MGAT4C: variants seen among roughly 807,000 people sequenced by gnomAD.
MGAT4C encodes MGAT4 family member C.
Under a neutral mutation model 40.1 loss-of-function variants are expected in MGAT4C, and 19 were observed. That is an observed-to-expected ratio of 0.47 (90% CI 0.33 to 0.70). The LOEUF is 0.70. Ranked by LOEUF, MGAT4C falls within the 30% of genes least tolerant of loss-of-function variation. The probability of loss-of-function intolerance (pLI) is 0.02; values close to 1 mark genes in which losing one functional copy is unlikely to be tolerated. For missense variants in MGAT4C, 491 were observed against 563.2 expected (o/e 0.87, Z 1.30); for synonymous variants, 181 against 187.1 (o/e 0.97, Z 0.27).
intron 1 of MGAT4C, among the ~76,000 whole-genome samples, chr12:86,075,224 C>G (rs531603229): frequency 6.6e-6 from 1 of 152,152 alleles, no homozygotes; most frequent in Non-Finnish European, 1.5e-5. Context: ...AATTGGCCAA[C>G]GCCAAGGGGT....
At chr12:86,323,448 A>C (rs1194809221) in intron 4 of MGAT4C, among the ~76,000 whole-genome samples, 1 of 151,866 alleles carries the variant, frequency 6.6e-6, no homozygotes, top group East Asian at 1.9e-4. Flanking sequence ...TATGAAAAAA[A>C]CCACAATATT....
At chr12:86,100,498 C>T (rs1281914979) in intron 1 of MGAT4C, among the ~76,000 whole-genome samples, 1 of 151,270 alleles carries the variant, frequency 6.6e-6, no homozygotes, top group African/African-American at 2.4e-5. Context: ...CTTTTGCCTG[C>T]CCCCAATGCC....
intron 2 of MGAT4C, among the ~76,000 whole-genome samples, chr12:86,442,167 C>T (rs979588687): frequency 2.0e-5 from 3 of 152,140 alleles, no homozygotes; most frequent in Admixed American, 6.5e-5. Context: ...TGTTCATATC[C>T]TTTGCCCACT....
At chr12:86,627,333 A>T (rs1163726331) in intron 2 of MGAT4C, among the ~76,000 whole-genome samples, 2 of 152,210 alleles carry the variant, frequency 1.3e-5, no homozygotes, top group African/African-American at 4.8e-5. Flanking sequence ...CTGCAGACTT[A>T]AACATCCCTC....
chr12:86,074,743 A>G (rs561023524), intron 1 of MGAT4C, among the ~76,000 whole-genome samples: 2 of 152,326 alleles, frequency 1.3e-5, no homozygotes, highest in South Asian at 4.1e-4. Context: ...GGTGAAAGGC[A>G]CGTCCTACAT....
At chr12:86,140,627 C>T (rs1453254535) in intron 1 of MGAT4C, among the ~76,000 whole-genome samples, 1 of 151,970 alleles carries the variant, frequency 6.6e-6, no homozygotes, top group Non-Finnish European at 1.5e-5. Context: ...ATTTTCTGCA[C>T]ATGTCCCAGA....
chr12:86,409,457 A>G (rs1177777697), intron 3 of MGAT4C, among the ~76,000 whole-genome samples: 1 of 152,168 alleles, frequency 6.6e-6, no homozygotes, highest in Non-Finnish European at 1.5e-5. Flanking sequence ...AAGGCCATGA[A>G]GTGTGCATTT....
chr12:86,350,112 T>C (rs138666133), intron 3 of MGAT4C, among the ~76,000 whole-genome samples: 67 of 152,214 alleles, frequency 4.4e-4, no homozygotes, highest in African/African-American at 1.6e-3. Flanking sequence ...ACTCAAAGTT[T>C]AGGGCTTGCT....
At chr12:86,019,786 T>C (rs1229473834) in intron 2 of MGAT4C, among the ~76,000 whole-genome samples, 1 of 152,132 alleles carries the variant, frequency 6.6e-6, no homozygotes, top group African/African-American at 2.4e-5. Context: ...TTGGGCAGTA[T>C]GGCCATTTTC....
intron 2 of MGAT4C, among the ~76,000 whole-genome samples, chr12:86,591,424 C>CATATTGA (rs1367828001): frequency 6.6e-6 from 1 of 151,776 alleles, no homozygotes; most frequent in East Asian, 1.9e-4. Flanking sequence ...ATACCTCTGC[C>CATATTGA]ATATTGAATA....
intron 1 of MGAT4C, among the ~76,000 whole-genome samples, chr12:86,113,911 T>C (rs373848286): frequency 6.6e-6 from 1 of 151,834 alleles, no homozygotes; most frequent in African/African-American, 2.4e-5. Context: ...CTATAGTAAG[T>C]CTCATGAGGA....
At chr12:86,109,593 A>T (rs952175590) in intron 1 of MGAT4C, among the ~76,000 whole-genome samples, 2 of 152,026 alleles carry the variant, frequency 1.3e-5, no homozygotes, top group Non-Finnish European at 2.9e-5. Flanking sequence ...ATTCTGATTC[A>T]TTCATTTAAA....
At chr12:86,684,638 A>G (rs528588634) in intron 2 of MGAT4C, among the ~76,000 whole-genome samples, 1 of 152,244 alleles carries the variant, frequency 6.6e-6, no homozygotes, top group South Asian at 2.1e-4. Context: ...ACTAATTTAC[A>G]CTTCCACCAA....
intron 1 of MGAT4C, among the ~76,000 whole-genome samples, chr12:86,728,605 C>G (rs1398882097): frequency 6.6e-6 from 1 of 152,106 alleles, no homozygotes; most frequent in Non-Finnish European, 1.5e-5. Flanking sequence ...GCAGGAGAAT[C>G]GCTTGAACCC....
intron 2 of MGAT4C, among the ~76,000 whole-genome samples, chr12:86,662,095 T>C (rs1334625782): frequency 6.6e-6 from 1 of 152,140 alleles, no homozygotes; most frequent in African/African-American, 2.4e-5. Flanking sequence ...CTAGCCTTCA[T>C]TTTGAGTCAG....
chr12:86,537,433 C>G (rs1035528506), intron 2 of MGAT4C, among the ~76,000 whole-genome samples: 1 of 151,302 alleles, frequency 6.6e-6, no homozygotes, highest in Non-Finnish European at 1.5e-5. Flanking sequence ...AAGTAAATGT[C>G]TCTTTAATAG....
intron 4 of MGAT4C, among the ~76,000 whole-genome samples, chr12:86,280,155 C>G (rs1220755432): frequency 1.3e-5 from 2 of 151,930 alleles, no homozygotes; most frequent in Non-Finnish European, 2.9e-5. Context: ...TTTATTCAGT[C>G]AATTGGTCTA....
chr12:86,167,757 G>T (rs1886344465), intron 1 of MGAT4C, among the ~76,000 whole-genome samples: 1 of 152,156 alleles, frequency 6.6e-6, no homozygotes, highest in South Asian at 2.1e-4. Flanking sequence ...CCTCTTAAAG[G>T]TCCCTCCTAT....
chr12:86,203,720 G>A (rs911975226), intron 1 of MGAT4C, among the ~76,000 whole-genome samples: 1 of 151,938 alleles, frequency 6.6e-6, no homozygotes, highest in Admixed American at 6.6e-5. Flanking sequence ...CACTTTGGGA[G>A]GTTGAGGCGG....
Sources: allele counts gnomAD v4.1 joint callset (sites outside exome capture counted in the v4.1 genomes callset), GRCh38; gene constraint gnomAD v4.1.1; transcripts MANE v1.5; gene names NCBI Gene and HGNC (gene_info 2026-07-23, HGNC 2026-07-21).